Variants in MTA1 observed in about 807,000 individuals in gnomAD.
MTA1 encodes the protein metastasis associated 1.
In MTA1, 15 loss-of-function variants were observed where a neutral mutation model predicts 97.0. That is an observed-to-expected ratio of 0.15 (90% confidence interval 0.10 to 0.24). MTA1 has a LOEUF of 0.24. MTA1 is among the 10% of genes least tolerant of loss of function. The pLI is 1.00. For synonymous variants in MTA1, 435 were observed against 417.5 expected (o/e 1.04, Z -0.51); for missense variants, 709 against 1,015.1 (o/e 0.70, Z 4.10).
intron 17 of MTA1, 23 bp downstream of exon 17, chr14:105,466,601 G>A (rs2141700400): frequency 3.2e-6 from 5 of 1,567,912 alleles, no homozygotes; most frequent in Non-Finnish European, 4.3e-6. Context: ...CCCGCCCGGT[G>A]AGTGTGGCCC....
In MTA1 at chr14:105,445,294, C is replaced by T. The variant is rs587606389; in HGVS notation, c.97-124C>T. 28 of 778,482 alleles carry T rather than the reference C, an allele frequency of 3.6e-5. 1 individual carries two copies. Among genetic ancestry groups the T allele is most frequent in the Admixed American group, 9.9e-5 (4 of 40,308 alleles). The allele number at this position is 778,482 out of a possible 1,614,324, so 48.2% of individuals were successfully genotyped here. A position where few individuals can be genotyped will look rare whatever the true frequency, so the allele number is the denominator to read the frequency against. Reference sequence around the variant, plus strand: ...TTTGTGAAGTGCCCTCCTGGAGTCCCGAGGGGTGGTGTGGTTACACCTGCA... The same window carrying T: ...TTTGTGAAGTGCCCTCCTGGAGTCCTGAGGGGTGGTGTGGTTACACCTGCA... On this transcript the variant is annotated intron_variant, in intron 2 of 20. Transcript: ENST00000331320.
intron 16 of MTA1, 126 bp from the exon 17 acceptor site, chr14:105,466,300 G>C: frequency 1.3e-6 from 1 of 761,688 alleles, no homozygotes. Context: ...ATGGGGCCTC[G>C]GGTGGGGGCC....
rs782034544 is a variant in MTA1 at position 105,450,123 on chromosome 14, C to T, written c.307C>T (p.Leu103=). 1 of 1,613,354 alleles carries T rather than the reference C, an allele frequency of 6.2e-7. No homozygotes were observed. The highest frequency in any genetic ancestry group is 1.7e-5 in the Admixed American group (1 of 60,014). The change falls in exon 5 of 21, where the codon CTG becomes TTG. Residue 103 remains leucine, a synonymous_variant. Transcript: ENST00000331320. ...VDLPEKLKHQ[L]RHRELFLSRQ... is the part of the protein sequence containing the mutation. The stretch of plus-strand genomic sequence containing the variant: ...CCTGCCCGAGAAACTAAAGCACCAG[C>T]TGCGGCATCGGGAGCTGTTCCTCTC...
intron 1 of MTA1, 117 bp from the exon 2 acceptor site, chr14:105,438,555 G>A: frequency 2.4e-6 from 2 of 846,294 alleles, no homozygotes. Flanking sequence ...GCCTGAGGGA[G>A]CAGAGGTGAG....
At chr14:105,449,467 C>T (rs1326457214) in intron 4 of MTA1, 58 bp downstream of exon 4, 81 of 1,571,362 alleles carry the variant, frequency 5.2e-5, no homozygotes, top group Non-Finnish European at 6.7e-5. Flanking sequence ...GGGCTGGGGG[C>T]GGCAGCGCCG....
Position 105,422,390 on chromosome 14 carries a change from C to T in MTA1, c.28+2327C>T, listed in dbSNP as rs1595242599. Among the ~76,000 whole-genome samples, 1 of 152,100 alleles carries T rather than the reference C, an allele frequency of 6.6e-6. No homozygotes were observed. The highest frequency in any genetic ancestry group is 1.5e-5 in the Non-Finnish European group (1 of 68,026). On this transcript the variant is annotated intron_variant, in intron 1 of 20. Transcript: ENST00000331320. This position sits in a 1 kb window ranked among gnomAD's most constrained non-coding sequence, Gnocchi z 4.3. ...GAAAGAGGAAGGTGTGCAGTGTCTC[C>T]TGAGCAGCCTTTGTCCGTCTGTCGC...
In MTA1 at chr14:105,466,449, C is replaced by A; in HGVS notation, c.1648C>A (p.Pro550Thr). The A allele has an allele frequency of 7.6e-7, 1 of 1,319,426 alleles. No homozygotes were observed. The highest frequency in any genetic ancestry group is 1.0e-6 in the Non-Finnish European group (1 of 967,614). The allele number at this position is 1,319,426 out of a possible 1,614,324, so 81.7% of individuals were successfully genotyped here. A position where few individuals can be genotyped will look rare whatever the true frequency, so the allele number is the denominator to read the frequency against. ...YLETHPRPPK[P>T]DPVKSVSSVL... ...AGAGACCCACCCCCGCCCCCCCAAG[C>A]CTGACCCCGTGAAAAGCGTGTCCAG... is the stretch of plus-strand genomic sequence containing the variant. Residue 550 changes from proline (P) to threonine (T), a missense_variant, in exon 17 of 21, where the codon CCT (proline) becomes ACT (threonine). Physicochemically the swap from Pro to Thr is conservative, Grantham distance 38 (BLOSUM62 -1). Coordinates refer to ENST00000331320, the MANE Select transcript of MTA1 (RefSeq NM_004689.4).
At chr14:105,441,781 G>T (rs587662788) in intron 2 of MTA1, among the ~76,000 whole-genome samples, 1 of 152,234 alleles carries the variant, frequency 6.6e-6, no homozygotes, top group East Asian at 1.9e-4. Flanking sequence ...GCGACAGAGC[G>T]AGACTCTGTC....
At chr14:105,446,440 C>T (rs78434288) in intron 3 of MTA1, among the ~76,000 whole-genome samples, 1,700 of 152,336 alleles carry the variant, frequency 0.011, 25 homozygotes, top group Middle Eastern at 0.024. Flanking sequence ...TAACCTCCCA[C>T]GACCCCTAAT....
chr14:105,429,509 T>C (rs1430357640), intron 1 of MTA1, among the ~76,000 whole-genome samples: 1 of 151,154 alleles, frequency 6.6e-6, no homozygotes, highest in Non-Finnish European at 1.5e-5. Context: ...TGGAGTGCAG[T>C]GGCACGATCT....
intron 16 of MTA1, chr14:105,465,415 C>T (rs1317251587): frequency 1.1e-5 from 4 of 371,288 alleles, no homozygotes; most frequent in South Asian, 2.1e-4. Flanking sequence ...TGCGGAGTAG[C>T]GGCCGCCCTG....
intron 2 of MTA1, among the ~76,000 whole-genome samples, chr14:105,439,384 C>A (rs145490447): frequency 2.6e-5 from 4 of 152,178 alleles, no homozygotes; most frequent in African/African-American, 9.7e-5. Context: ...TTGAGCCTGG[C>A]AGCACCAGAT....
At chr14:105,423,711 A>G (rs587599630) in intron 1 of MTA1, among the ~76,000 whole-genome samples, 97 of 152,360 alleles carry the variant, frequency 6.4e-4, no homozygotes, top group South Asian at 3.9e-3. Context: ...TGGGCTTGGC[A>G]TGTGCCATCA....
At chr14:105,426,163 A>C (rs2082005028) in intron 1 of MTA1, among the ~76,000 whole-genome samples, 1 of 151,274 alleles carries the variant, frequency 6.6e-6, no homozygotes, top group Non-Finnish European at 1.5e-5. Context: ...CGGTTGGGGG[A>C]CCCCTGGGGC....
intron 1 of MTA1, among the ~76,000 whole-genome samples, chr14:105,426,827 C>G (rs781934626): frequency 2.0e-5 from 3 of 152,222 alleles, no homozygotes; most frequent in Non-Finnish European, 4.4e-5. Flanking sequence ...ACAGGACACC[C>G]CTGCAGCATT....
chr14:105,420,793 C>T lies in MTA1; in HGVS notation c.28+730C>T, dbSNP rs889176575. The stretch of plus-strand genomic sequence containing the variant: ...GCCCCCCGGGCCTGCAGCTTTGAGC[C>T]TTGCCCTCCTTCGTGTGCCTGGGAC... On this transcript the variant is annotated intron_variant, in intron 1 of 20. Coordinates refer to ENST00000331320, the MANE Select transcript of MTA1 (RefSeq NM_004689.4). This position sits in a 1 kb window ranked among gnomAD's most constrained non-coding sequence, Gnocchi z 5.3. Among the ~76,000 whole-genome samples, 1 of 152,212 alleles carries T rather than the reference C, an allele frequency of 6.6e-6. No homozygotes were observed. Among genetic ancestry groups the T allele is most frequent in the Non-Finnish European group, 1.5e-5 (1 of 68,018 alleles).
At chr14:105,465,611 G>C (rs1316936165) in intron 16 of MTA1, 5 of 154,492 alleles carry the variant, frequency 3.2e-5, no homozygotes, top group African/African-American at 1.2e-4. Context: ...TACTTCCTGA[G>C]CCACGCCCAC....
chr14:105,468,594 C>G (rs1475115849), intron 18 of MTA1, among the ~76,000 whole-genome samples: 5 of 152,234 alleles, frequency 3.3e-5, no homozygotes, highest in South Asian at 2.1e-4. Context: ...AGGGGCTGGA[C>G]AGGCTGCTTC....
At chr14:105,469,150 C>T (rs1009560179) in intron 18 of MTA1, 26 of 583,780 alleles carry the variant, frequency 4.5e-5, no homozygotes, top group South Asian at 1.4e-4. Flanking sequence ...TTGCTTGTCT[C>T]GGCACGGCAG....
Sources: gnomAD v4.1 joint callset for allele counts (sites outside exome capture counted in the v4.1 genomes callset) on GRCh38, gnomAD v4.1.1 for gene constraint, Gnocchi (gnomAD v3.1) non-coding constraint, MANE v1.5 for transcripts, NCBI Gene and HGNC (gene_info 2026-07-23, HGNC 2026-07-21) for gene names.